The following MAST2 variants were observed in gnomAD, a reference collection of about 807,000 sequenced individuals.
MAST2 encodes microtubule-associated serine/threonine-protein kinase 2.
In MAST2, 70 loss-of-function variants were observed where a neutral mutation model predicts 147.4. That is an observed-to-expected ratio of 0.47 (90% CI 0.39 to 0.58). The LOEUF is 0.58. Among genes scored for constraint, MAST2 ranks in the 20% least tolerant of loss-of-function variants. The pLI is 0.00. For missense variants in MAST2, 2,080 were observed against 2,302.3 expected (o/e 0.90, Z 1.98); for synonymous variants, 869 against 896.8 (o/e 0.97, Z 0.55).
At chr1:45,818,736 G>A (rs1008810635) in intron 1 of MAST2, among the ~76,000 whole-genome samples, 2 of 152,150 alleles carry the variant, frequency 1.3e-5, no homozygotes, top group African/African-American at 4.8e-5. Context: ...CCACTGCACT[G>A]TACAGTTGTT....
chr1:45,921,857 A>G (rs1350456013), intron 4 of MAST2, among the ~76,000 whole-genome samples: 2 of 152,136 alleles, frequency 1.3e-5, no homozygotes, highest in East Asian at 3.9e-4. Flanking sequence ...CTCTGTTTGT[A>G]TTACAGCTCT....
chr1:45,985,072 T>A (rs191431621), intron 5 of MAST2, among the ~76,000 whole-genome samples: 154 of 152,274 alleles, frequency 1.0e-3, no homozygotes, highest in Non-Finnish European at 1.7e-3. Flanking sequence ...TTTCTCTTTT[T>A]TTGAGACGGA....
chr1:45,872,292 G>C (rs1385906806), intron 3 of MAST2, among the ~76,000 whole-genome samples: 6 of 152,170 alleles, frequency 3.9e-5, no homozygotes, highest in Non-Finnish European at 8.8e-5. Flanking sequence ...GGTGACTGTT[G>C]ACATAAAGGA....
chr1:45,950,202 C>T (rs944555442), intron 4 of MAST2, among the ~76,000 whole-genome samples: 9 of 151,924 alleles, frequency 5.9e-5, no homozygotes, highest in Non-Finnish European at 1.3e-4. Context: ...AATATGTACC[C>T]CTGAACCTAA....
intron 3 of MAST2, among the ~76,000 whole-genome samples, chr1:45,880,950 G>A (rs1646817104): frequency 1.4e-5 from 2 of 145,340 alleles, no homozygotes; most frequent in South Asian, 4.5e-4. Context: ...CTGGGTGACA[G>A]CGTGAGACTC....
chr1:46,035,355 A>T lies in MAST2; in HGVS notation c.4686A>T (p.Leu1562=), dbSNP rs1327031925. ...GCCTGGGCCCAATGGTCCCAAGCCT[A>T]TTGACAGGGATCACACTGGGGCCTC... ...PRSLGPMVPS[L]LTGITLGPPR... is the part of the protein sequence containing the mutation. Residue 1562 remains leucine, a synonymous_variant, in exon 29 of 29, where the codon CTA becomes CTT. Coordinates refer to ENST00000361297, the MANE Select transcript of MAST2 (RefSeq NM_015112.3). The surrounding 1 kb of genome is among the most constrained non-coding windows in gnomAD (Gnocchi z 5.5). The T allele has an allele frequency of 6.2e-7, 1 of 1,613,542 alleles. No individual in the cohort carries two copies. Among genetic ancestry groups the T allele is most frequent in the Admixed American group, 1.7e-5 (1 of 59,974 alleles).
intron 4 of MAST2, among the ~76,000 whole-genome samples, chr1:45,924,626 CTTTT>C (rs1054791415): frequency 6.6e-6 from 1 of 152,100 alleles, no homozygotes; most frequent in African/African-American, 2.4e-5. Flanking sequence ...TTTTATCTCT[CTTTT>C]TTTAATTTGA....
In MAST2 at chr1:46,025,668, T is replaced by C; in HGVS notation, c.1781-9T>C. On this transcript the variant is annotated splice_polypyrimidine_tract_variant and intron_variant, in intron 15 of 28. Coordinates refer to ENST00000361297, the MANE Select transcript of MAST2 (RefSeq NM_015112.3). The stretch of plus-strand genomic sequence containing the variant: ...ATCCTTTCCTCATGGTAGCCTGGGC[T>C]TGTTGCAGGGGGAGACTGTGCCACT... 6.2e-7 allele frequency: 1 copy of C among 1,614,038 alleles called. No individual in the cohort carries two copies. The highest frequency in any genetic ancestry group is 8.5e-7 in the Non-Finnish European group (1 of 1,180,028).
intron 3 of MAST2, among the ~76,000 whole-genome samples, chr1:45,837,234 A>G (rs1414192399): frequency 1.3e-5 from 2 of 152,174 alleles, no homozygotes; most frequent in Non-Finnish European, 2.9e-5. Flanking sequence ...TATAGAATAT[A>G]TCTGCCACCC....
intron 3 of MAST2, among the ~76,000 whole-genome samples, chr1:45,833,876 T>G (rs1431564106): frequency 3.3e-5 from 5 of 152,118 alleles, no homozygotes; most frequent in Admixed American, 1.3e-4. Flanking sequence ...GTGCTTTTTT[T>G]TTTTCCTGAG....
intron 3 of MAST2, among the ~76,000 whole-genome samples, chr1:45,863,797 G>A (rs928496746): frequency 6.6e-6 from 1 of 152,138 alleles, no homozygotes; most frequent in African/African-American, 2.4e-5. Context: ...TAGGGAATTT[G>A]GATTCGTGTC....
At chr1:45,943,471 G>C (rs1029134849) in intron 4 of MAST2, among the ~76,000 whole-genome samples, 7 of 152,176 alleles carry the variant, frequency 4.6e-5, no homozygotes, top group African/African-American at 1.7e-4. Context: ...AGATGTTTAG[G>C]GTTGAGGGAA....
chr1:45,850,902 C>A (rs1207721362), intron 3 of MAST2, among the ~76,000 whole-genome samples: 2 of 148,626 alleles, frequency 1.3e-5, no homozygotes, highest in African/African-American at 5.0e-5. Context: ...GTAATGTAAT[C>A]CCTGCAGCTT....
intron 3 of MAST2, among the ~76,000 whole-genome samples, chr1:45,871,586 GC>G (rs1429897109): frequency 6.6e-6 from 1 of 152,164 alleles, no homozygotes; most frequent in Non-Finnish European, 1.5e-5. Context: ...TAGAAAGCCA[GC>G]CCCCTCTGCT....
At chr1:45,821,885 C>CTTTTTTTT (rs71587723) in intron 1 of MAST2, among the ~76,000 whole-genome samples, 12 of 100,836 alleles carry the variant, frequency 1.2e-4, no homozygotes, top group Admixed American at 2.3e-4. Flanking sequence ...TCACCTTCAC[C>CTTTTTTTT]TTTTTTTTTT....
At chr1:45,964,755 T>G (rs1289718506) in intron 5 of MAST2, among the ~76,000 whole-genome samples, 1 of 152,330 alleles carries the variant, frequency 6.6e-6, no homozygotes, top group Non-Finnish European at 1.5e-5. Context: ...TCTTGCCTTT[T>G]GCTAGCTTTT....
intron 4 of MAST2, among the ~76,000 whole-genome samples, chr1:45,884,168 A>G (rs996200700): frequency 6.6e-6 from 1 of 151,998 alleles, no homozygotes. Context: ...CGTTTAATTA[A>G]TAAGGATCAG....
rs372749143 is a variant in MAST2 at position 46,034,906 on chromosome 1, G to C, written c.4237G>C (p.Ala1413Pro). ...KRVQSAEKLAAALAASEKKLA... is the reference protein window; with the variant it reads ...KRVQSAEKLAPALAASEKKLA... ...GGTGCAGTCGGCTGAGAAACTGGCA[G>C]CAGCACTTGCCGCCTCTGAGAAGAA... Residue 1413 changes from alanine to proline, a missense_variant, in exon 29 of 29, where the codon GCA becomes CCA. Transcript: ENST00000361297. 2.9e-5 allele frequency: 47 copies of C among 1,614,178 alleles called. 1 individual carries two copies. Among genetic ancestry groups the C allele is most frequent in the South Asian group, 2.7e-4 (25 of 91,088 alleles).
At chr1:46,019,327 G>A (rs1049654226) in intron 10 of MAST2, among the ~76,000 whole-genome samples, 1 of 152,134 alleles carries the variant, frequency 6.6e-6, no homozygotes, top group Non-Finnish European at 1.5e-5. Flanking sequence ...GGTCTGGAGG[G>A]TAAGTGAGGC....
Sources: allele counts gnomAD v4.1 joint callset (sites outside exome capture counted in the v4.1 genomes callset), GRCh38; gene constraint gnomAD v4.1.1; non-coding constraint Gnocchi (gnomAD v3.1); transcripts MANE v1.5; gene names NCBI Gene and HGNC (gene_info 2026-07-23, HGNC 2026-07-21).